The following LUZP4 variants were observed in gnomAD, a reference collection of about 807,000 sequenced individuals.
LUZP4 encodes the protein HOM-TES-85 tumor antigen.
Under a neutral mutation model 8.5 loss-of-function variants are expected in LUZP4, and 11 were observed. The observed-to-expected ratio is 1.30, with a 90% CI of 0.82 to 2.14. The LOEUF is 2.14. LUZP4 is among the 30% of genes most tolerant of loss of function. The pLI is 0.00. For synonymous variants in LUZP4, 104 were observed against 79.4 expected, an observed-to-expected ratio of 1.31 and a Z score of -1.65; for missense variants, 276 against 229.7, an observed-to-expected ratio of 1.20 and a Z score of -1.30.
At chrX:115,297,265 G>GTCTT (rs2073374774) in intron 1 of LUZP4, among the ~76,000 whole-genome samples, 1 of 111,741 alleles carries the variant, frequency 8.9e-6, no homozygotes, top group Admixed American at 9.5e-5. Flanking sequence ...TCATCGTTTA[G>GTCTT]TCTTTCTACT....
At chrX:115,303,180 A>G in intron 2 of LUZP4, 120 bp from the exon 3 acceptor site, 1 of 382,775 alleles carries the variant, frequency 2.6e-6, no homozygotes, top group Non-Finnish European at 4.7e-6. Context: ...GAGTAATGAA[A>G]TATCAAAAGT....
chrX:115,297,674 T>C lies in LUZP4; in HGVS notation c.92-4318T>C, dbSNP rs140427839. On this transcript the variant is annotated intron_variant, in intron 1 of 3. Transcript: ENST00000371920. ...TTTGTCTCTTTTCTCTTGCTGCTTT[T>C]AGGATCCTTTCTTTATCCTTGACCT... Among the ~76,000 whole-genome samples the C allele has an allele frequency of 4.7e-3, 529 of 111,752 alleles. 28 individuals are homozygous for C. In the East Asian group the frequency reaches 0.13, roughly 27 times the overall value.
At chrX:115,298,415 C>T (rs1232444367) in intron 1 of LUZP4, among the ~76,000 whole-genome samples, 5 of 112,693 alleles carry the variant, frequency 4.4e-5, no homozygotes, top group African/African-American at 6.4e-5. Flanking sequence ...ATCCTCTTTA[C>T]AGCCAATAAC....
intron 1 of LUZP4, among the ~76,000 whole-genome samples, chrX:115,293,599 A>T (rs1270425090): frequency 9.1e-6 from 1 of 110,421 alleles, no homozygotes; most frequent in Non-Finnish European, 1.9e-5. Context: ...CCTTTTTTTA[A>T]AAAAAAAGCT....
At chrX:115,293,899 C>T (rs1046140989) in intron 1 of LUZP4, among the ~76,000 whole-genome samples, 1 of 108,423 alleles carries the variant, frequency 9.2e-6, no homozygotes, top group Non-Finnish European at 1.9e-5. Flanking sequence ...TGCAGTGAGC[C>T]GAGATTGTGC....
Position 115,306,727 on chromosome X carries a change from A to T in LUZP4, c.865A>T (p.Asn289Tyr). ...DLVATERDLI[N>Y]QSGRSHGQSE... ...CGTGGCCACTGAGAGAGATCTCATA[A>T]ATCAGTCAGGGAGATCTCATGGCCA... The change falls in exon 4 of 4, where the codon AAT (asparagine) becomes TAT (tyrosine). Residue 289 changes from asparagine (N) to tyrosine (Y), a missense_variant. Asn to Tyr is a moderately radical substitution (Grantham distance 143). Coordinates refer to ENST00000371920, the MANE Select transcript of LUZP4 (RefSeq NM_016383.5). 1 of 1,194,668 alleles carries T rather than the reference A, an allele frequency of 8.4e-7. No individual in the cohort carries two copies. The highest frequency in any genetic ancestry group is 1.1e-6 in the Non-Finnish European group (1 of 881,128).
At position 115,302,054 on chromosome X, in the gene LUZP4, C is replaced by T; in HGVS notation, c.154C>T (p.Gln52Ter). The change falls in exon 2 of 4, where the codon CAG (glutamine) becomes TAG (stop). Residue 52 changes from glutamine to a stop codon, truncating the protein, a stop_gained. Coordinates refer to ENST00000371920, the MANE Select transcript of LUZP4 (RefSeq NM_016383.5). LOFTEE classifies it high-confidence loss of function. Reference sequence around the variant, plus strand: ...TGCTGAAGAAGAAAAGAATAAAAGACAGAACCATAGTAAAAAGGAATCGCC... The same window carrying T: ...TGCTGAAGAAGAAAAGAATAAAAGATAGAACCATAGTAAAAAGGAATCGCC... ...TNAEEEKNKRQNHSKKESPSR... is the reference protein window; with the variant it reads ...TNAEEEKNKR 8.4e-7 allele frequency: 1 copy of T among 1,188,924 alleles called. No homozygotes were observed. Among genetic ancestry groups the T allele is most frequent in the Non-Finnish European group, 1.1e-6 (1 of 879,916 alleles).
chrX:115,301,477 A>G (rs2073397094), intron 1 of LUZP4, among the ~76,000 whole-genome samples: 1 of 112,179 alleles, frequency 8.9e-6, no homozygotes, highest in Admixed American at 9.5e-5. Context: ...GGTGTCTTCT[A>G]TGAACTTCCA....
chrX:115,292,366 A>G (rs1380182380), intron 1 of LUZP4, among the ~76,000 whole-genome samples: 1 of 109,267 alleles, frequency 9.2e-6, no homozygotes, highest in African/African-American at 3.3e-5. Flanking sequence ...AAAAAGACTA[A>G]TTTTCCTCCA....
intron 1 of LUZP4, among the ~76,000 whole-genome samples, chrX:115,298,976 G>A (rs1556600287): frequency 9.0e-6 from 1 of 111,542 alleles, no homozygotes; most frequent in Non-Finnish European, 1.9e-5. Flanking sequence ...AAGGACTGCA[G>A]TGTTGTGATC....
Position 115,306,512 on chromosome X carries a change from G to C in LUZP4, c.650G>C (p.Arg217Thr). ...HSERSHGHSE[R>T]SHGHSERSHG... ...GAGAGATCTCATGGTCACTCAGAGA[G>C]ATCTCATGGTCACTCAGAGAGATCT... The change falls in exon 4 of 4, where the codon AGA becomes ACA. Residue 217 changes from arginine (R) to threonine (T), a missense_variant. Physicochemically the swap from Arg to Thr is moderately conservative, Grantham distance 71. Transcript: ENST00000371920. 1.7e-5 allele frequency: 21 copies of C among 1,210,681 alleles called. No individual in the cohort carries two copies. Among genetic ancestry groups the C allele is most frequent in the Non-Finnish European group, 2.2e-5 (20 of 895,438 alleles).
At chrX:115,303,877 T>C (rs2073408967) in intron 3 of LUZP4, among the ~76,000 whole-genome samples, 1 of 111,634 alleles carries the variant, frequency 9.0e-6, no homozygotes, top group Admixed American at 9.5e-5. Context: ...TCTAAACACG[T>C]ATAGGTGAGC....
chrX:115,297,483 T>C (rs1022148880), intron 1 of LUZP4, among the ~76,000 whole-genome samples: 12 of 111,829 alleles, frequency 1.1e-4, no homozygotes, highest in Non-Finnish European at 7.5e-5. Flanking sequence ...TGTTTGTCTG[T>C]GAAACTTTTT....
rs2073426071 is a variant in LUZP4 at position 115,306,887 on chromosome X, C to G, written c.*83C>G. 1 of 890,581 alleles carries G rather than the reference C, an allele frequency of 1.1e-6. No individual in the cohort carries two copies. Among genetic ancestry groups the G allele is most frequent in the East Asian group, 3.1e-5 (1 of 32,298 alleles). The allele number at this position is 890,581 out of a possible 1,213,427, so 73.4% of individuals were successfully genotyped here. ...ATGGCTAAATATGTATTTGTTGAAA[C>G]ATGTATATTGGGACAAAGACATAAA... On this transcript the variant is annotated 3_prime_UTR_variant, in exon 4 of 4. Coordinates refer to ENST00000371920, the MANE Select transcript of LUZP4 (RefSeq NM_016383.5).
Position 115,302,044 on chromosome X carries a change from G to T in LUZP4, c.144G>T (p.Lys48Asn). Residue 48 changes from lysine to asparagine, a missense_variant, in exon 2 of 4, where the codon AAG becomes AAT. Coordinates refer to ENST00000371920, the MANE Select transcript of LUZP4 (RefSeq NM_016383.5). ...AAGGGACAAATGCTGAAGAAGAAAA[G>T]AATAAAAGACAGAACCATAGTAAAA... The part of the protein sequence containing the change: ...ELEGTNAEEE[K>N]NKRQNHSKKE... 8.4e-7 allele frequency: 1 copy of T among 1,184,742 alleles called. No homozygotes were observed. The highest frequency in any genetic ancestry group is 1.1e-6 in the Non-Finnish European group (1 of 875,471).
intron 1 of LUZP4, among the ~76,000 whole-genome samples, chrX:115,292,450 G>A (rs1218453780): frequency 9.0e-6 from 1 of 111,193 alleles, no homozygotes; most frequent in Non-Finnish European, 1.9e-5. Flanking sequence ...TATGTACATA[G>A]AATTAATTTT....
intron 1 of LUZP4, among the ~76,000 whole-genome samples, chrX:115,290,793 G>A (rs190326534): frequency 1.8e-5 from 2 of 110,119 alleles, no homozygotes; most frequent in Non-Finnish European, 3.8e-5. Context: ...AGGGGTGTGT[G>A]TGTGTGTGTG....
intron 3 of LUZP4, among the ~76,000 whole-genome samples, chrX:115,304,158 A>C (rs1556602798): frequency 8.9e-6 from 1 of 112,577 alleles, no homozygotes; most frequent in Non-Finnish European, 1.9e-5. Flanking sequence ...TCAAATTATG[A>C]TTCAATGCCT....
In LUZP4 at chrX:115,303,286, T is replaced by C; in HGVS notation, c.224-14T>C. ...TTACTACTTGAAAATACAGAAAATA[T>C]TTATTTTTCAAAGGCTACTCAAGAT... On this transcript the variant is annotated splice_polypyrimidine_tract_variant and intron_variant, in intron 2 of 3. Coordinates refer to ENST00000371920, the MANE Select transcript of LUZP4 (RefSeq NM_016383.5). The C allele has an allele frequency of 1.1e-6, 1 of 931,202 alleles. No homozygotes were observed. The highest frequency in any genetic ancestry group is 1.5e-6 in the Non-Finnish European group (1 of 661,392). 76.7% of individuals were successfully genotyped at this position (931,202 alleles called of 1,213,427 possible).
Sources: allele counts gnomAD v4.1 joint callset (sites outside exome capture counted in the v4.1 genomes callset), GRCh38; gene constraint gnomAD v4.1.1; transcripts MANE v1.5; gene names NCBI Gene and HGNC (gene_info 2026-07-23, HGNC 2026-07-21).